ROR2: variants seen among roughly 807,000 people sequenced by gnomAD.
ROR2 encodes tyrosine-protein kinase transmembrane receptor ROR2.
In ROR2, 33 loss-of-function variants were observed where a neutral mutation model predicts 74.9. The ratio of observed to expected loss-of-function variants is 0.44; its 90% CI spans 0.33 to 0.59. The LOEUF (loss-of-function observed/expected upper bound fraction) is 0.59. ROR2 is among the 20% of genes least tolerant of loss of function. ROR2 has a pLI of 0.02. For synonymous variants in ROR2, 586 were observed against 558.7 expected, an observed-to-expected ratio of 1.05 and a Z score of -0.69; for missense variants, 1,216 against 1,313.8, an observed-to-expected ratio of 0.93 and a Z score of 1.15.
chr9:91,914,454 C>T lies in ROR2; in HGVS notation c.97+35413G>A, dbSNP rs150782035. Among the ~76,000 whole-genome samples, 718 of 152,274 alleles carry T rather than the reference C, an allele frequency of 4.7e-3. 5 individuals carry two copies. Among genetic ancestry groups the T allele is most frequent in the African/African-American group, 0.016 (664 of 41,550 alleles). On this transcript the variant is annotated intron_variant, in intron 1 of 8. Coordinates refer to ENST00000375708, the MANE Select transcript of ROR2 (RefSeq NM_004560.4). ...TGACCATAAAGGAATCTTCCCTTAA[C>T]AAGAGAGCTGCGGGGAGGTGGTTCA...
At chr9:91,765,775 T>A (rs1296479746) in intron 2 of ROR2, among the ~76,000 whole-genome samples, 3 of 152,126 alleles carry the variant, frequency 2.0e-5, no homozygotes, top group Non-Finnish European at 4.4e-5. Flanking sequence ...AGCCCATGGG[T>A]TCCCTCGTGG....
In ROR2 at chr9:91,843,133, G is replaced by C. The variant is rs559405280; in HGVS notation, c.98-67315C>G. ...CGCAGGAGGGAAAGAGCATGTTGGA[G>C]CTGGAGGGAGCAGCCAGTTATCCAG... On this transcript the variant is annotated intron_variant, in intron 1 of 8. Coordinates refer to ENST00000375708, the MANE Select transcript of ROR2 (RefSeq NM_004560.4). Among the ~76,000 whole-genome samples the C allele has an allele frequency of 2.0e-5, 3 of 152,298 alleles. No homozygotes were observed. The East Asian group carries it at 5.8e-4, about 29-fold the overall frequency.
intron 2 of ROR2, among the ~76,000 whole-genome samples, chr9:91,769,671 A>G (rs1047925711): frequency 6.6e-6 from 1 of 151,606 alleles, no homozygotes; most frequent in African/African-American, 2.4e-5. Context: ...TTTGCCAGCC[A>G]TTGCCCCTAC....
chr9:91,754,740 T>G (rs1054680966), intron 4 of ROR2, among the ~76,000 whole-genome samples: 5 of 152,338 alleles, frequency 3.3e-5, no homozygotes, highest in Admixed American at 3.3e-4. Context: ...TATATGCCTT[T>G]TTCCAAAGCC....
chr9:91,928,522 G>A lies in ROR2; in HGVS notation c.97+21345C>T, dbSNP rs72746274. 3.7e-3 allele frequency among the ~76,000 whole-genome samples: 565 copies of A among 152,326 alleles called. 4 individuals carry two copies. The highest frequency in any genetic ancestry group is 6.7e-3 in the Non-Finnish European group (457 of 68,030). ...TCACCGCTGACCCTGGGCAAGGAAAGAGGCAGACTGTGGGCTTCTCATGGG... is the reference window on the plus strand; with the variant it reads ...TCACCGCTGACCCTGGGCAAGGAAAAAGGCAGACTGTGGGCTTCTCATGGG... On this transcript the variant is annotated intron_variant, in intron 1 of 8. Coordinates refer to ENST00000375708, the MANE Select transcript of ROR2 (RefSeq NM_004560.4).
At chr9:91,848,669 C>G (rs1460454150) in intron 1 of ROR2, among the ~76,000 whole-genome samples, 2 of 150,638 alleles carry the variant, frequency 1.3e-5, no homozygotes, top group African/African-American at 2.5e-5. Context: ...CAGGGAGAAT[C>G]GCTTGAACCT....
At chr9:91,766,944 C>G (rs1308558657) in intron 2 of ROR2, among the ~76,000 whole-genome samples, 3 of 152,206 alleles carry the variant, frequency 2.0e-5, no homozygotes, top group Non-Finnish European at 2.9e-5. Context: ...TCCCCAGTGC[C>G]CACGTCAGCT....
chr9:91,774,590 C>A (rs1364858010), intron 2 of ROR2, among the ~76,000 whole-genome samples: 2 of 152,106 alleles, frequency 1.3e-5, no homozygotes, highest in African/African-American at 2.4e-5. Flanking sequence ...ACAAGCAGTG[C>A]CAAGGAAAAG....
intron 1 of ROR2, among the ~76,000 whole-genome samples, chr9:91,902,774 A>G (rs1030346694): frequency 1.3e-5 from 2 of 152,262 alleles, no homozygotes; most frequent in African/African-American, 2.4e-5. Context: ...TTTAAAAACC[A>G]TATCCTTAGG....
intron 1 of ROR2, among the ~76,000 whole-genome samples, chr9:91,920,327 G>A (rs1320020585): frequency 2.6e-5 from 4 of 152,122 alleles, no homozygotes; most frequent in East Asian, 1.9e-4. Context: ...GCAACATAGC[G>A]AGACACTATC....
intron 1 of ROR2, among the ~76,000 whole-genome samples, chr9:91,921,480 T>G (rs1831260633): frequency 6.6e-6 from 1 of 152,252 alleles, no homozygotes; most frequent in Non-Finnish European, 1.5e-5. Flanking sequence ...TTCAAGAGCC[T>G]GTGCTTAATT....
At chr9:91,847,083 T>C (rs11793706) in intron 1 of ROR2, among the ~76,000 whole-genome samples, 5,613 of 151,094 alleles carry the variant, frequency 0.037, 153 homozygotes, top group East Asian at 0.097. Context: ...CGGGGGGAAA[T>C]GGGGGAAGAT....
At chr9:91,875,402 CTAAT>C (rs1017095067) in intron 1 of ROR2, among the ~76,000 whole-genome samples, 1 of 152,154 alleles carries the variant, frequency 6.6e-6, no homozygotes, top group African/African-American at 2.4e-5. Flanking sequence ...CCTAAAGGAA[CTAAT>C]TGTTTAATTT....
At chr9:91,857,751 C>T (rs943311479) in intron 1 of ROR2, among the ~76,000 whole-genome samples, 3 of 152,166 alleles carry the variant, frequency 2.0e-5, no homozygotes, top group African/African-American at 4.8e-5. Flanking sequence ...CAGCTCCCAG[C>T]GATCAATCTC....
At chr9:91,761,474 C>T (rs537361429) in intron 2 of ROR2, among the ~76,000 whole-genome samples, 5 of 152,250 alleles carry the variant, frequency 3.3e-5, no homozygotes, top group South Asian at 2.1e-4. Flanking sequence ...CTCTCATAAG[C>T]GCACACCCTA....
chr9:91,800,386 T>C (rs1484515994), intron 1 of ROR2, among the ~76,000 whole-genome samples: 1 of 151,576 alleles, frequency 6.6e-6, no homozygotes, highest in African/African-American at 2.4e-5. Flanking sequence ...AGTGCAGATA[T>C]TTCTGTCATC....
At chr9:91,857,461 A>G (rs556489388) in intron 1 of ROR2, among the ~76,000 whole-genome samples, 76 of 152,300 alleles carry the variant, frequency 5.0e-4, no homozygotes, top group Non-Finnish European at 2.5e-4. Flanking sequence ...TGAGGAACTG[A>G]GTCAACTAAA....
intron 2 of ROR2, among the ~76,000 whole-genome samples, chr9:91,770,759 C>T (rs2118909901): frequency 6.6e-6 from 1 of 152,340 alleles, no homozygotes; most frequent in East Asian, 1.9e-4. Context: ...ACTATGTTTG[C>T]AGGGATGATC....
chr9:91,901,766 T>C (rs1445980566), intron 1 of ROR2, among the ~76,000 whole-genome samples: 1 of 145,840 alleles, frequency 6.9e-6, no homozygotes, highest in Non-Finnish European at 1.5e-5. Flanking sequence ...CAGCGAGCCA[T>C]GATCTCACGA....
Sources: gnomAD v4.1 joint callset for allele counts (sites outside exome capture counted in the v4.1 genomes callset) on GRCh38, gnomAD v4.1.1 for gene constraint, MANE v1.5 for transcripts, NCBI Gene and HGNC (gene_info 2026-07-23, HGNC 2026-07-21) for gene names.